Variants in IFT25 observed in about 807,000 individuals in gnomAD.
IFT25 encodes intraflagellar transport 25, also known as intraflagellar transport protein 25 homolog.
the IFT25 span, chr1:53,924,091 A>C: frequency 1.7e-6 from 1 of 599,864 alleles, no homozygotes; most frequent in East Asian, 2.7e-5. Flanking sequence ...GTTGAAATTT[A>C]ATTTAAAAAT....
the IFT25 span, among the ~76,000 whole-genome samples, chr1:53,926,001 C>T: frequency 0.014 from 2,007 of 147,070 alleles, 51 homozygotes; most frequent in African/African-American, 0.047. Flanking sequence ...ACTCAGGAGG[C>T]TGAGGCAGGA....
At chr1:53,913,523 A>C in the IFT25 span, among the ~76,000 whole-genome samples, 1 of 152,166 alleles carries the variant, frequency 6.6e-6, no homozygotes, top group Non-Finnish European at 1.5e-5. Flanking sequence ...GCAATCTGCA[A>C]CTTTCATTGA....
chr1:53,912,147 CA>C, the IFT25 span, among the ~76,000 whole-genome samples: 1 of 152,130 alleles, frequency 6.6e-6, no homozygotes, highest in African/African-American at 2.4e-5. Flanking sequence ...CTAAGTTGCA[CA>C]AAAGGAGACA....
the IFT25 span, among the ~76,000 whole-genome samples, chr1:53,935,208 G>T: frequency 6.6e-6 from 1 of 152,174 alleles, no homozygotes; most frequent in Non-Finnish European, 1.5e-5. Flanking sequence ...AGCTACTCGG[G>T]AGGCTGAGGC....
the IFT25 span, among the ~76,000 whole-genome samples, chr1:53,921,309 CACTT>C: frequency 6.6e-6 from 1 of 152,162 alleles, no homozygotes; most frequent in Non-Finnish European, 1.5e-5. Flanking sequence ...CTATATTGCT[CACTT>C]AGTCCTTTGC....
the IFT25 span, among the ~76,000 whole-genome samples, chr1:53,943,761 C>G: frequency 6.6e-6 from 1 of 151,936 alleles, no homozygotes; most frequent in South Asian, 2.1e-4. Flanking sequence ...GTAGCTGGGA[C>G]TACAGGCATG....
the IFT25 span, among the ~76,000 whole-genome samples, chr1:53,918,552 T>C: frequency 1.3e-5 from 2 of 152,242 alleles, no homozygotes; most frequent in Admixed American, 6.5e-5. Context: ...GCCAGAAGTA[T>C]TATCTTGCCA....
chr1:53,924,775 T>C, the IFT25 span, among the ~76,000 whole-genome samples: 1 of 152,134 alleles, frequency 6.6e-6, no homozygotes, highest in Non-Finnish European at 1.5e-5. Flanking sequence ...AGGCGGAGCT[T>C]GCAGTGAGCC....
chr1:53,919,972 C>T, the IFT25 span, among the ~76,000 whole-genome samples: 1 of 151,900 alleles, frequency 6.6e-6, no homozygotes, highest in Non-Finnish European at 1.5e-5. Context: ...TTATTTTTAA[C>T]TTTTTTTGTA....
the IFT25 span, chr1:53,946,229 G>A: frequency 2.0e-5 from 3 of 151,722 alleles, no homozygotes; most frequent in East Asian, 5.9e-4. Context: ...CGCACGCGCA[G>A]GGCCCACCTC....
chr1:53,943,207 A>C, the IFT25 span, among the ~76,000 whole-genome samples: 2,718 of 152,330 alleles, frequency 0.018, 88 homozygotes, highest in African/African-American at 0.062. Context: ...GAAAACGTCC[A>C]AGAAAAGTCG....
chr1:53,940,871 C>A, the IFT25 span, among the ~76,000 whole-genome samples: 1 of 151,818 alleles, frequency 6.6e-6, no homozygotes, highest in African/African-American at 2.4e-5. Flanking sequence ...CTATGCCCAG[C>A]TAATTTTTAA....
At chr1:53,921,257 A>G in the IFT25 span, among the ~76,000 whole-genome samples, 1 of 152,214 alleles carries the variant, frequency 6.6e-6, no homozygotes, top group Non-Finnish European at 1.5e-5. Context: ...AAACCCTTCC[A>G]TAAGTACTTT....
chr1:53,938,063 T>C, the IFT25 span, among the ~76,000 whole-genome samples: 1 of 152,230 alleles, frequency 6.6e-6, no homozygotes, highest in African/African-American at 2.4e-5. Flanking sequence ...CTGTGTAATT[T>C]TGAGCAAGTC....
chr1:53,942,420 G>A, the IFT25 span, among the ~76,000 whole-genome samples: 1 of 152,102 alleles, frequency 6.6e-6, no homozygotes, highest in Non-Finnish European at 1.5e-5. Context: ...AGATTTTAAC[G>A]TCCATGAATT....
the IFT25 span, chr1:53,929,410 C>G: frequency 2.0e-5 from 3 of 152,224 alleles, no homozygotes; most frequent in Admixed American, 6.6e-5. Context: ...TCCCTTAACC[C>G]AGGCCATAAT....
chr1:53,936,730 C>T, the IFT25 span, among the ~76,000 whole-genome samples: 846 of 152,164 alleles, frequency 5.6e-3, 4 homozygotes, highest in African/African-American at 0.019. Context: ...TAGTATTCTT[C>T]TACACTACAC....
the IFT25 span, chr1:53,940,237 A>G: frequency 1.7e-6 from 1 of 582,324 alleles, no homozygotes. Flanking sequence ...GGACTCTAAC[A>G]TGTTTGTTTA....
chr1:53,920,767 G>A, the IFT25 span, among the ~76,000 whole-genome samples: 1 of 152,150 alleles, frequency 6.6e-6, no homozygotes, highest in Non-Finnish European at 1.5e-5. Flanking sequence ...AGGAGTTTGA[G>A]ACCAGCCTTT....
Sources: gnomAD v4.1 joint callset for allele counts (sites outside exome capture counted in the v4.1 genomes callset) on GRCh38, gnomAD v4.1.1 for gene constraint, MANE v1.5 for transcripts, NCBI Gene and HGNC (gene_info 2026-07-23, HGNC 2026-07-21) for gene names.